Variants in SEMA6C observed in about 807,000 individuals in gnomAD.
SEMA6C encodes semaphorin-6C.
A neutral mutation model predicts 72.9 loss-of-function variants in SEMA6C; 37 were observed. The ratio of observed to expected loss-of-function variants is 0.51; its 90% CI spans 0.39 to 0.67. The LOEUF (loss-of-function observed/expected upper bound fraction) is 0.67, where lower values mean the gene tolerates loss of function less well. SEMA6C is among the 30% of genes least tolerant of loss of function. The probability of loss-of-function intolerance (pLI) is 0.00; values close to 1 mark genes in which losing one functional copy is unlikely to be tolerated. For synonymous variants in SEMA6C, 578 were observed against 554.1 expected (o/e 1.04, Z -0.61); for missense variants, 1,189 against 1,263.6 (o/e 0.94, Z 0.89).
chr1:151,136,490 C>T lies in SEMA6C; in HGVS notation c.1064G>A (p.Gly355Glu), dbSNP rs1226896703. ...GTCCTCAGACACAGGAGTCCAGGCC[C>T]CATCCAGACTCCTCTGCTCCTTGAA... ...GKFKEQRSLD[G>E]AWTPVSEDRV... The change falls in exon 12 of 19, where the codon GGG (glycine) becomes GAG (glutamate). Residue 355 changes from glycine (G) to glutamate (E), a missense_variant. Coordinates refer to ENST00000368914, the MANE Select transcript of SEMA6C (RefSeq NM_030913.6). 4.3e-6 allele frequency: 7 copies of T among 1,614,134 alleles called. No individual in the cohort carries two copies. The South Asian group carries it at 7.7e-5, about 18-fold the overall frequency.
chr1:151,132,349 G>A lies in SEMA6C; in HGVS notation c.*135C>T. 6.5e-7 allele frequency: 1 copy of A among 1,539,792 alleles called. No homozygotes were observed. The highest frequency in any genetic ancestry group is 2.5e-5 in the East Asian group (1 of 40,802). On this transcript the variant is annotated 3_prime_UTR_variant, in exon 19 of 19. Transcript: ENST00000368914. The stretch of plus-strand genomic sequence containing the variant: ...AATAAATAAACCCGAGGCGAAAAGG[G>A]GCCTCGGGAGACTCTGCGAGTCGGG...
chr1:151,134,102 C>A (rs1187787609), intron 18 of SEMA6C: 5 of 1,323,956 alleles, frequency 3.8e-6, no homozygotes, highest in Non-Finnish European at 3.1e-6. Flanking sequence ...TTGATCTCTA[C>A]CCCTGACACC....
At position 151,145,605 on chromosome 1, in the gene SEMA6C, CA is replaced by C. The variant is rs587721444; in HGVS notation, c.-105+827del. On this transcript the variant is annotated intron_variant, in intron 1 of 18. Coordinates refer to ENST00000368914, the MANE Select transcript of SEMA6C (RefSeq NM_030913.6). This position sits in a 1 kb window ranked among gnomAD's most constrained non-coding sequence, Gnocchi z 4.4. ...CGGGGCTCCGAGGAGGGGCCGGTAGCAGAGTCTGGGCCGGGACCGGGTCCCA... is the reference window on the plus strand; with the variant it reads ...CGGGGCTCCGAGGAGGGGCCGGTAGCGAGTCTGGGCCGGGACCGGGTCCCA... 2.0e-4 allele frequency: 31 copies of C among 154,748 alleles called. No individual in the cohort carries two copies. In the South Asian group the frequency reaches 5.9e-3, roughly 29 times the overall value. 9.6% of individuals were successfully genotyped at this position (154,748 alleles called of 1,614,324 possible). A position where few individuals can be genotyped will look rare whatever the true frequency, so the allele number is the denominator to read the frequency against.
In SEMA6C at chr1:151,142,683, G is replaced by C. The variant is rs587720527; in HGVS notation, c.-54-8C>G. ...CTCACCCATAAGCCGGCCCTGAAAG[G>C]GGAGACAGGGAAAAGTGGGGGAGGA... On this transcript the variant is annotated splice_polypyrimidine_tract_variant and splice_region_variant and intron_variant, in intron 2 of 18. Coordinates refer to ENST00000368914, the MANE Select transcript of SEMA6C (RefSeq NM_030913.6). The C allele has an allele frequency of 2.8e-6, 4 of 1,417,576 alleles. No individual in the cohort carries two copies. In the East Asian group the frequency reaches 7.7e-5, roughly 27 times the overall value. The allele number at this position is 1,417,576 out of a possible 1,614,324, so 87.8% of individuals were successfully genotyped here. A position where few individuals can be genotyped will look rare whatever the true frequency, so the allele number is the denominator to read the frequency against.
rs587604256 is a variant in SEMA6C, at chr1:151,133,126, G to T, written c.2151C>A (p.Asp717Glu). ...TCCTGTTCTGGTTCCACTCCCAGGG[G>T]TCCCCGGCGGCGCGGAGGTGCTTGA... The part of the protein sequence containing the change: ...LPVKHLRAAG[D>E]PWEWNQNRNN... Residue 717 changes from aspartate (D) to glutamate (E), a missense_variant, in exon 19 of 19, where the codon GAC (aspartate) becomes GAA (glutamate). Coordinates refer to ENST00000368914, the MANE Select transcript of SEMA6C (RefSeq NM_030913.6). The surrounding 1 kb of genome is among the most constrained non-coding windows in gnomAD (Gnocchi z 5.9). 12 of 1,563,752 alleles carry T rather than the reference G, an allele frequency of 7.7e-6. No individual in the cohort carries two copies. In the African/African-American group the frequency reaches 1.5e-4, roughly 20 times the overall value.
intron 4 of SEMA6C, 116 bp downstream of exon 4, chr1:151,139,860 C>T (rs1241868752): frequency 5.7e-6 from 7 of 1,233,892 alleles, no homozygotes; most frequent in East Asian, 2.5e-5. Flanking sequence ...ATGTCCACAC[C>T]CCGTGGCTTG....
At chr1:151,136,201 G>A (rs778738671) in intron 12 of SEMA6C, 38 bp from the exon 13 acceptor site, 2 of 1,610,748 alleles carry the variant, frequency 1.2e-6, no homozygotes, top group South Asian at 2.2e-5. Context: ...TTTGGACTGG[G>A]AGCTGGAGCT....
chr1:151,137,109 C>A, intron 10 of SEMA6C, 35 bp from the exon 11 acceptor site: 1 of 1,583,032 alleles, frequency 6.3e-7, no homozygotes, highest in Non-Finnish European at 8.7e-7. Context: ...AATGGTGAGA[C>A]AGACCCACAG....
rs1228782147 is a variant in SEMA6C at position 151,146,139 on chromosome 1, C to G, written c.-105+294G>C. On this transcript the variant is annotated intron_variant, in intron 1 of 18. Transcript: ENST00000368914. The surrounding 1 kb of genome is among the most constrained non-coding windows in gnomAD (Gnocchi z 4.6). ...CAGGTTTTCCACGCTCTCTACGGAG[C>G]GCGCCTCAAATAATCCCTTTTCGCG... The G allele has an allele frequency of 1.3e-5, 2 of 152,198 alleles. No homozygotes were observed. 9.4% of individuals were successfully genotyped at this position (152,198 alleles called of 1,614,324 possible).
chr1:151,134,067 G>T, intron 18 of SEMA6C: 1 of 1,492,508 alleles, frequency 6.7e-7, no homozygotes, highest in Non-Finnish European at 8.9e-7. Context: ...TGGTGGCAGA[G>T]ACCAGGTCAG....
intron 18 of SEMA6C, chr1:151,134,062 G>A: frequency 2.0e-6 from 3 of 1,502,806 alleles, no homozygotes; most frequent in Non-Finnish European, 1.8e-6. Flanking sequence ...AGCACTGGTG[G>A]CAGAGACCAG....
intron 14 of SEMA6C, 122 bp from the exon 15 acceptor site, chr1:151,135,431 GC>G (rs1681937709): frequency 6.9e-7 from 1 of 1,449,696 alleles, no homozygotes. Context: ...GAGCTGCCCC[GC>G]CCTACCACAC....
intron 6 of SEMA6C, 46 bp from the exon 7 acceptor site, chr1:151,138,777 T>A: frequency 6.9e-7 from 1 of 1,445,222 alleles, no homozygotes; most frequent in Non-Finnish European, 9.7e-7. Context: ...GTCCTGGGAC[T>A]GAGAACAGGA....
In SEMA6C at chr1:151,136,571, C is replaced by G. The variant is rs943309345; in HGVS notation, c.983G>C (p.Gly328Ala). The G allele has an allele frequency of 1.9e-6, 3 of 1,613,842 alleles. No homozygotes were observed. The Admixed American group carries it at 5.0e-5, about 27-fold the overall frequency. Residue 328 changes from glycine to alanine, a missense_variant, in exon 12 of 19, where the codon GGC becomes GCC. Gly to Ala is a moderately conservative substitution (Grantham distance 60). Coordinates refer to ENST00000368914, the MANE Select transcript of SEMA6C (RefSeq NM_030913.6). The stretch of plus-strand genomic sequence containing the variant: ...CAGGTAGAAGGCGCAGACGGCAGAG[C>G]CAGGGATGCTGGAGGAGCCAGAAAA... ...VFTTQTNSIP[G>A]SAVCAFYLDE...
In SEMA6C at chr1:151,140,799, C is replaced by T. The variant is rs1682469604; in HGVS notation, c.119-709G>A. Among the ~76,000 whole-genome samples, 13 of 152,324 alleles carry T rather than the reference C, an allele frequency of 8.5e-5. No homozygotes were observed. In the South Asian group the frequency reaches 2.7e-3, roughly 32 times the overall value. ...CACAAGGTCAGGAGATCGAGACCAT[C>T]CTGGCTAACATGGTGAAACCCCATC... On this transcript the variant is annotated intron_variant, in intron 3 of 18. Coordinates refer to ENST00000368914, the MANE Select transcript of SEMA6C (RefSeq NM_030913.6).
chr1:151,135,149 CA>C lies in SEMA6C; in HGVS notation c.1580+13del. 1.2e-6 allele frequency: 2 copies of C among 1,612,722 alleles called. No individual in the cohort carries two copies. The highest frequency in any genetic ancestry group is 1.7e-6 in the Non-Finnish European group (2 of 1,179,338). The stretch of plus-strand genomic sequence containing the variant: ...AGCTTGCCCACACAGGGCCTGGCCT[CA>C]GGCCCCTCTCACCTCTGACAGGCCC... On this transcript the variant is annotated intron_variant, in intron 15 of 18. Transcript: ENST00000368914.
At chr1:151,143,308 G>A (rs1682710759) in intron 2 of SEMA6C, among the ~76,000 whole-genome samples, 1 of 152,156 alleles carries the variant, frequency 6.6e-6, no homozygotes, top group Admixed American at 6.5e-5. Flanking sequence ...GAGGAGAGTT[G>A]GTGGGGGGGA....
Position 151,132,074 on chromosome 1 carries a change from G to A in SEMA6C, c.*410C>T. On this transcript the variant is annotated 3_prime_UTR_variant, in exon 19 of 19. Transcript: ENST00000368914. ...CAGTGGCTGCAGACACGGCTGTATT[G>A]GGAAGCGGAGGCTCCTACACAGTAG... 1 of 582,678 alleles carries A rather than the reference G, an allele frequency of 1.7e-6. No homozygotes were observed. Among genetic ancestry groups the A allele is most frequent in the Non-Finnish European group, 2.5e-6 (1 of 393,170 alleles). 36.1% of individuals were successfully genotyped at this position (582,678 alleles called of 1,614,324 possible). A position where few individuals can be genotyped will look rare whatever the true frequency, so the allele number is the denominator to read the frequency against.
rs1682935765 is a variant in SEMA6C at position 151,146,388 on chromosome 1, C to CCCTCCCCG, written c.-105+37_-105+44dup. 1 of 152,464 alleles carries CCCTCCCCG rather than the reference C, an allele frequency of 6.6e-6. No homozygotes were observed. The highest frequency in any genetic ancestry group is 1.5e-5 in the Non-Finnish European group (1 of 68,194). The allele number at this position is 152,464 out of a possible 1,614,324, so 9.4% of individuals were successfully genotyped here. A position where few individuals can be genotyped will look rare whatever the true frequency, so the allele number is the denominator to read the frequency against. On this transcript the variant is annotated intron_variant, in intron 1 of 18. Coordinates refer to ENST00000368914, the MANE Select transcript of SEMA6C (RefSeq NM_030913.6). This position sits in a 1 kb window ranked among gnomAD's most constrained non-coding sequence, Gnocchi z 4.6. The stretch of plus-strand genomic sequence containing the variant: ...CCCCCGCCGGCCGCGCCCTCCTGCT[C>CCCTCCCCG]CCTCCCCGCCTCCCCGCAGCCCCTT...
Sources: gnomAD v4.1 joint callset for allele counts (sites outside exome capture counted in the v4.1 genomes callset) on GRCh38, gnomAD v4.1.1 for gene constraint, Gnocchi (gnomAD v3.1) non-coding constraint, MANE v1.5 for transcripts, NCBI Gene and HGNC (gene_info 2026-07-23, HGNC 2026-07-21) for gene names.